Variants in SLC24A1 observed in about 807,000 individuals in gnomAD.
SLC24A1 encodes the protein sodium/potassium/calcium exchanger 1.
A neutral mutation model predicts 88.1 loss-of-function variants in SLC24A1; 52 were observed. The ratio of observed to expected loss-of-function variants is 0.59; its 90% CI spans 0.47 to 0.74. The LOEUF (loss-of-function observed/expected upper bound fraction) is 0.74. Ranked by LOEUF, SLC24A1 falls within the 30% of genes least tolerant of loss-of-function variation. SLC24A1 has a pLI of 0.00. For synonymous variants in SLC24A1, 455 were observed against 498.0 expected (o/e 0.91, Z 1.15); for missense variants, 1,173 against 1,363.3 (o/e 0.86, Z 2.20).
chr15:65,624,274 G>T lies in SLC24A1; in HGVS notation c.194G>T (p.Arg65Leu), dbSNP rs200765659. ...SSHQPIKLASRDLSSEEMMMM... is the reference protein window; with the variant it reads ...SSHQPIKLASLDLSSEEMMMM... ...CATCAGCCTATAAAACTGGCCAGTC[G>T]GGACCTCTCCAGTGAAGAGATGATG... is the stretch of plus-strand genomic sequence containing the variant. Residue 65 changes from arginine (R) to leucine (L), a missense_variant, in exon 2 of 10, where the codon CGG becomes CTG. Physicochemically the swap from Arg to Leu is moderately radical, Grantham distance 102. Transcript: ENST00000261892. The T allele has an allele frequency of 1.6e-5, 26 of 1,613,638 alleles. No individual in the cohort carries two copies. The highest frequency in any genetic ancestry group is 2.2e-5 in the Non-Finnish European group (26 of 1,179,824).
chr15:65,619,237 A>G (rs2074244215), upstream of SLC24A1, among the ~76,000 whole-genome samples: 1 of 152,312 alleles, frequency 6.6e-6, no homozygotes, highest in Middle Eastern at 3.4e-3. Flanking sequence ...TCCTGGTTTC[A>G]TAAATGAGGA....
At chr15:65,653,726 A>G (rs2075585418) in intron 9 of SLC24A1, 104 bp from the exon 10 acceptor site, 1 of 1,160,414 alleles carries the variant, frequency 8.6e-7, no homozygotes, top group East Asian at 2.4e-5. Context: ...CTTCATAGAT[A>G]TTTTATTGGT....
chr15:65,640,115 A>G (rs970833817), intron 4 of SLC24A1, among the ~76,000 whole-genome samples: 1 of 152,208 alleles, frequency 6.6e-6, no homozygotes, highest in African/African-American at 2.4e-5. Context: ...AGCTCAGCCC[A>G]GGCTGACTGG....
rs1435473131 is a variant in SLC24A1 at position 65,625,699 on chromosome 15, T to G, written c.1619T>G (p.Ile540Ser). 1 of 1,613,946 alleles carries G rather than the reference T, an allele frequency of 6.2e-7. No homozygotes were observed. Among genetic ancestry groups the G allele is most frequent in the African/African-American group, 1.3e-5 (1 of 74,942 alleles). The part of the protein sequence containing the change: ...GSAVFNILFV[I>S]GTCSLFSREI... ...GCTGTGTTCAACATTCTCTTTGTCATTGGCACTTGTTCCCTCTTCTCCCGA... is the reference window on the plus strand; with the variant it reads ...GCTGTGTTCAACATTCTCTTTGTCAGTGGCACTTGTTCCCTCTTCTCCCGA... The change falls in exon 2 of 10, where the codon ATT (isoleucine) becomes AGT (serine). Residue 540 changes from isoleucine (I) to serine (S), a missense_variant. By Grantham distance (142) the Ile-to-Ser change is moderately radical. Transcript: ENST00000261892.
intron 2 of SLC24A1, among the ~76,000 whole-genome samples, chr15:65,633,426 G>A (rs1490338474): frequency 6.6e-6 from 1 of 152,214 alleles, no homozygotes; most frequent in Non-Finnish European, 1.5e-5. Context: ...TTGGGAGGCT[G>A]AGGTGGGTGG....
chr15:65,644,438 AAGG>A lies in SLC24A1; in HGVS notation c.2068_2070del (p.Glu690del), dbSNP rs760955172. 3 of 1,591,906 alleles carry A rather than the reference AAGG, an allele frequency of 1.9e-6. No homozygotes were observed. The highest frequency in any genetic ancestry group is 1.1e-5 in the South Asian group (1 of 86,994). On this transcript the variant is annotated inframe_deletion, in exon 5 of 10. Coordinates refer to ENST00000261892, the MANE Select transcript of SLC24A1 (RefSeq NM_004727.3). ...TGTCTCATTTGCAGTTCGCCTTGCC[AAGG>A]AGAAGGAGGAGGAGAGCTTGAATCA...
chr15:65,643,797 G>A (rs2075214054), intron 4 of SLC24A1: 1 of 153,570 alleles, frequency 6.5e-6, no homozygotes, highest in Admixed American at 6.4e-5. Context: ...TGTTGTGCCT[G>A]GGGTCAAAAA....
chr15:65,617,043 G>A (rs2074168286), upstream of SLC24A1, among the ~76,000 whole-genome samples: 2 of 152,102 alleles, frequency 1.3e-5, no homozygotes, highest in African/African-American at 2.4e-5. Flanking sequence ...TAGATGTGTG[G>A]TGTTATTTCT....
At chr15:65,660,185 T>TA, downstream of SLC24A1, 2 of 807,474 alleles carry the variant, frequency 2.5e-6, no homozygotes, top group Non-Finnish European at 4.1e-6. Flanking sequence ...GAGAGGCAGA[T>TA]ATATGTGCCT....
At chr15:65,613,010 G>T (rs1035279712) in intron 2 of SLC24A1, among the ~76,000 whole-genome samples, 1 of 152,204 alleles carries the variant, frequency 6.6e-6, no homozygotes, top group Admixed American at 6.5e-5. Context: ...TTACAAATCA[G>T]AAGGTTGTTC....
chr15:65,641,872 T>C (rs543503030), intron 4 of SLC24A1, among the ~76,000 whole-genome samples: 5 of 152,332 alleles, frequency 3.3e-5, no homozygotes, highest in African/African-American at 9.6e-5. Flanking sequence ...CTAACAGGAT[T>C]ATGTGATGTT....
Position 65,623,983 on chromosome 15 carries a change from A to T in SLC24A1, c.-98A>T. ...TGTGGATACCCCCTGGCTGGGCTTC[A>T]TGGAGAAATCTTCTCTGATCACCAA... On this transcript the variant is annotated 5_prime_UTR_variant, in exon 2 of 10. An upstream start codon of the reference 5' UTR is lost. Transcript: ENST00000261892. 8.7e-7 allele frequency: 1 copy of T among 1,144,016 alleles called. No individual in the cohort carries two copies. The highest frequency in any genetic ancestry group is 1.2e-6 in the Non-Finnish European group (1 of 800,312). 70.9% of individuals were successfully genotyped at this position (1,144,016 alleles called of 1,614,324 possible). A position where few individuals can be genotyped will look rare whatever the true frequency, so the allele number is the denominator to read the frequency against.
intron 2 of SLC24A1, among the ~76,000 whole-genome samples, chr15:65,629,975 T>G (rs1389708110): frequency 6.6e-6 from 1 of 152,188 alleles, no homozygotes; most frequent in Non-Finnish European, 1.5e-5. Flanking sequence ...ACTTTTTTAT[T>G]TATTTTTGAG....
intron 2 of SLC24A1, among the ~76,000 whole-genome samples, chr15:65,612,901 A>G (rs1011280823): frequency 6.6e-6 from 1 of 152,212 alleles, no homozygotes; most frequent in Non-Finnish European, 1.5e-5. Flanking sequence ...CAAAAAATCA[A>G]TATATTAAAT....
intron 4 of SLC24A1, among the ~76,000 whole-genome samples, chr15:65,640,932 G>A (rs1286697880): frequency 1.3e-5 from 2 of 151,874 alleles, no homozygotes; most frequent in Non-Finnish European, 2.9e-5. Flanking sequence ...GTGGTGGCAG[G>A]CGCCTGTAAT....
downstream of SLC24A1, among the ~76,000 whole-genome samples, chr15:65,657,780 T>C (rs1012918564): frequency 6.6e-6 from 1 of 152,200 alleles, no homozygotes; most frequent in South Asian, 2.1e-4. Flanking sequence ...CTGGATGCTA[T>C]GAAAGATGTA....
At chr15:65,634,190 A>G (rs1225124326) in intron 2 of SLC24A1, among the ~76,000 whole-genome samples, 1 of 152,168 alleles carries the variant, frequency 6.6e-6, no homozygotes, top group African/African-American at 2.4e-5. Flanking sequence ...GGATTCAATA[A>G]ATATTTGTTG....
chr15:65,642,917 G>A (rs542846443), intron 4 of SLC24A1: 90 of 980,594 alleles, frequency 9.2e-5, no homozygotes, highest in South Asian at 1.1e-4. Context: ...CTCTCAGTCC[G>A]TCTGTATTAT....
At position 65,624,707 on chromosome 15, in the gene SLC24A1, A is replaced by C; in HGVS notation, c.627A>C (p.Glu209Asp). The part of the protein sequence containing the change: ...TYVPSTFMTM[E>D]TSHAITPRTT... ...TGCCGTCCACATTCATGACAATGGA[A>C]ACAAGCCATGCGATCACCCCCAGGA... The change falls in exon 2 of 10, where the codon GAA (glutamate) becomes GAC (aspartate). Residue 209 changes from glutamate (E) to aspartate (D), a missense_variant. Physicochemically the swap from Glu to Asp is conservative, Grantham distance 45. Transcript: ENST00000261892. 3 of 1,610,152 alleles carry C rather than the reference A, an allele frequency of 1.9e-6. No individual in the cohort carries two copies. The highest frequency in any genetic ancestry group is 2.5e-6 in the Non-Finnish European group (3 of 1,178,002).
Sources: gnomAD v4.1 joint callset for allele counts (sites outside exome capture counted in the v4.1 genomes callset) on GRCh38, gnomAD v4.1.1 for gene constraint, MANE v1.5 for transcripts, NCBI Gene and HGNC (gene_info 2026-07-23, HGNC 2026-07-21) for gene names.